The following MTREX variants were observed in gnomAD, a reference collection of about 807,000 sequenced individuals.
MTREX encodes the protein exosome RNA helicase MTR4.
In MTREX, 76 loss-of-function variants were observed where a neutral mutation model predicts 135.4. The observed-to-expected ratio is 0.56, with a 90% CI of 0.47 to 0.68. The LOEUF (loss-of-function observed/expected upper bound fraction) is 0.68. MTREX is among the 30% of genes least tolerant of loss of function. The pLI, the probability that MTREX is intolerant of heterozygous loss-of-function variation, is 0.00. For synonymous variants in MTREX, 404 were observed against 401.6 expected (o/e 1.01, Z -0.07); for missense variants, 920 against 1,262.1 (o/e 0.73, Z 4.11).
chr5:55,326,363 G>A (rs1749377725), intron 3 of MTREX, among the ~76,000 whole-genome samples: 1 of 152,110 alleles, frequency 6.6e-6, no homozygotes, highest in African/African-American at 2.4e-5. Context: ...TCACGCCACT[G>A]TACTCCAGCC....
At chr5:55,341,822 T>G (rs778955044) in intron 7 of MTREX, 51 bp downstream of exon 7, 2 of 943,526 alleles carry the variant, frequency 2.1e-6, no homozygotes, top group East Asian at 2.7e-5. Context: ...AGAATGACAT[T>G]AGGAATTTTG....
At chr5:55,379,542 GGT>G (rs1303048972) in intron 18 of MTREX, among the ~76,000 whole-genome samples, 1 of 150,096 alleles carries the variant, frequency 6.7e-6, no homozygotes, top group Non-Finnish European at 1.5e-5. Context: ...AAATGGTGGT[GGT>G]GCTTTCCTTC....
At chr5:55,362,158 T>C (rs1750024703) in intron 15 of MTREX, among the ~76,000 whole-genome samples, 1 of 145,976 alleles carries the variant, frequency 6.9e-6, no homozygotes, top group Non-Finnish European at 1.5e-5. Flanking sequence ...TGTTTTGAAC[T>C]CCAGGCTCAA....
Position 55,349,668 on chromosome 5 carries a change from C to CAGTA in MTREX, c.1320+17_1320+20dup. 7.2e-7 allele frequency: 1 copy of CAGTA among 1,382,912 alleles called. No homozygotes were observed. Among genetic ancestry groups the CAGTA allele is most frequent in the Non-Finnish European group, 1.0e-6 (1 of 972,418 alleles). The allele number at this position is 1,382,912 out of a possible 1,614,324, so 85.7% of individuals were successfully genotyped here. A position where few individuals can be genotyped will look rare whatever the true frequency, so the allele number is the denominator to read the frequency against. On this transcript the variant is annotated intron_variant, in intron 12 of 26. Transcript: ENST00000230640. ...ACTCCCTCAGGTGAGTTTTCAGTAT[C>CAGTA]AGTAGATAAAAGTGTAGATAATAAT...
intron 16 of MTREX, among the ~76,000 whole-genome samples, chr5:55,367,507 A>G (rs1393267729): frequency 6.6e-6 from 1 of 151,760 alleles, no homozygotes; most frequent in East Asian, 1.9e-4. Context: ...AAAGCAGCAC[A>G]TGCCTATTAG....
intron 16 of MTREX, among the ~76,000 whole-genome samples, chr5:55,370,918 G>A (rs1750185340): frequency 6.6e-6 from 1 of 152,052 alleles, no homozygotes; most frequent in Non-Finnish European, 1.5e-5. Flanking sequence ...TTGGTAGAAT[G>A]TTTTATTCAT....
chr5:55,346,218 A>G (rs898675759), intron 10 of MTREX, among the ~76,000 whole-genome samples: 5 of 152,174 alleles, frequency 3.3e-5, no homozygotes, highest in African/African-American at 7.2e-5. Context: ...TGGAAAGTCT[A>G]TGTTTCACCT....
At chr5:55,403,865 C>G (rs2111598871) in intron 21 of MTREX, among the ~76,000 whole-genome samples, 1 of 152,308 alleles carries the variant, frequency 6.6e-6, no homozygotes, top group East Asian at 1.9e-4. Flanking sequence ...CTCAGTAGCC[C>G]TGTTCACAGC....
Position 55,386,298 on chromosome 5 carries a change from G to A in MTREX, c.2053-1676G>A, listed in dbSNP as rs577304029. Among the ~76,000 whole-genome samples the A allele has an allele frequency of 1.4e-3, 213 of 152,194 alleles. 1 individual carries two copies. Among genetic ancestry groups the A allele is most frequent in the African/African-American group, 4.9e-3 (203 of 41,528 alleles). On this transcript the variant is annotated intron_variant, in intron 18 of 26. Coordinates refer to ENST00000230640, the MANE Select transcript of MTREX (RefSeq NM_015360.5). ...TTAGCCACACTTTAAAAGGAATAAA[G>A]AGAAGCTAGGAAAAAGAAGTTCAGT... is the stretch of plus-strand genomic sequence containing the variant.
intron 25 of MTREX, among the ~76,000 whole-genome samples, chr5:55,418,769 CTTTTG>C (rs1320717998): frequency 6.6e-6 from 1 of 152,026 alleles, no homozygotes; most frequent in Non-Finnish European, 1.5e-5. Flanking sequence ...GTATTTCTCT[CTTTTG>C]TTTTTACAGT....
At chr5:55,356,356 G>T in intron 14 of MTREX, 1 of 162,092 alleles carries the variant, frequency 6.2e-6, no homozygotes, top group East Asian at 1.7e-4. Flanking sequence ...TGCAGCTCAC[G>T]CTCTTGCATG....
rs947440088 is a variant in MTREX at position 55,417,201 on chromosome 5, G to A, written c.2971+1069G>A. ...GATCATTTAGTCAAACAGTCCCAAA[G>A]CATCCTTTGAATTCTGTATTCTGTT... is the stretch of plus-strand genomic sequence containing the variant. On this transcript the variant is annotated intron_variant, in intron 25 of 26. Transcript: ENST00000230640. 9.2e-5 allele frequency among the ~76,000 whole-genome samples: 14 copies of A among 152,082 alleles called. 1 individual carries two copies. Among genetic ancestry groups the A allele is most frequent in the African/African-American group, 2.9e-4 (12 of 41,418 alleles).
intron 21 of MTREX, among the ~76,000 whole-genome samples, chr5:55,402,054 A>G (rs230787): frequency 0.86 from 131,040 of 152,232 alleles, 56,777 homozygotes; most frequent in South Asian, 0.92. Context: ...CCCAGTGTTT[A>G]TTGGATAAAT....
At chr5:55,420,029 G>T (rs147541712) in intron 25 of MTREX, among the ~76,000 whole-genome samples, 3 of 152,174 alleles carry the variant, frequency 2.0e-5, no homozygotes, top group Non-Finnish European at 4.4e-5. Flanking sequence ...TTACATTTTG[G>T]CACAGTTTTA....
At chr5:55,411,639 G>C (rs1042703918) in intron 23 of MTREX, among the ~76,000 whole-genome samples, 1 of 152,092 alleles carries the variant, frequency 6.6e-6, no homozygotes, top group African/African-American at 2.4e-5. Context: ...TAGAATCACA[G>C]CTGTTAGTGG....
intron 23 of MTREX, among the ~76,000 whole-genome samples, chr5:55,412,498 T>C (rs1366082809): frequency 7.2e-5 from 11 of 152,178 alleles, no homozygotes; most frequent in Admixed American, 7.2e-4. Context: ...TGGATGAAGA[T>C]AAAGAAATAC....
chr5:55,390,538 C>T (rs778241941), intron 19 of MTREX, among the ~76,000 whole-genome samples: 9 of 152,182 alleles, frequency 5.9e-5, no homozygotes, highest in African/African-American at 2.2e-4. Context: ...CATTGATTAA[C>T]AGAGGTGAAC....
At chr5:55,393,005 G>A (rs1016238330) in intron 19 of MTREX, among the ~76,000 whole-genome samples, 3 of 152,168 alleles carry the variant, frequency 2.0e-5, no homozygotes, top group African/African-American at 7.2e-5. Context: ...GGAACCACCA[G>A]ACTGCAATAA....
At chr5:55,317,044 C>G (rs111686774) in intron 1 of MTREX, among the ~76,000 whole-genome samples, 9 of 151,688 alleles carry the variant, frequency 5.9e-5, no homozygotes, top group African/African-American at 1.7e-4. Context: ...ACACCTCCCC[C>G]CTCCCACACA....
Sources: allele counts gnomAD v4.1 joint callset (sites outside exome capture counted in the v4.1 genomes callset), GRCh38; gene constraint gnomAD v4.1.1; transcripts MANE v1.5; gene names NCBI Gene and HGNC (gene_info 2026-07-23, HGNC 2026-07-21).